SREBF2: variants seen among roughly 807,000 people sequenced by gnomAD.
The protein encoded by SREBF2 is sterol regulatory element-binding protein 2.
In SREBF2, 55 loss-of-function variants were observed where a neutral mutation model predicts 113.1. That is an observed-to-expected ratio of 0.49 (90% CI 0.39 to 0.61). The LOEUF (loss-of-function observed/expected upper bound fraction) is 0.61. SREBF2 is among the 20% of genes least tolerant of loss of function. The pLI, the probability that SREBF2 is intolerant of heterozygous loss-of-function variation, is 0.00. For missense variants in SREBF2, 1,349 were observed against 1,487.4 expected (o/e 0.91, Z 1.53); for synonymous variants, 593 against 605.7 (o/e 0.98, Z 0.31).
intron 13 of SREBF2, 26 bp downstream of exon 13, chr22:41,894,963 G>T: frequency 6.3e-7 from 1 of 1,595,994 alleles, no homozygotes; most frequent in African/African-American, 1.3e-5. Context: ...CAGTCCCCCT[G>T]CCTTAGGACC....
At chr22:41,882,180 A>G (rs1175664207) in intron 10 of SREBF2, among the ~76,000 whole-genome samples, 1 of 152,194 alleles carries the variant, frequency 6.6e-6, no homozygotes, top group Non-Finnish European at 1.5e-5. Flanking sequence ...ATGAGAGGAA[A>G]TTAGAAGGTG....
rs556833081 is a variant in SREBF2, at chr22:41,852,086, A to G, written c.89-14745A>G. On this transcript the variant is annotated intron_variant, in intron 1 of 18. Transcript: ENST00000361204. ...CAGTGAGCAGAGATTGTGCCACTGC[A>G]CTCCAGCCTGGGCGATAGAGAGAGA... 1.8e-3 allele frequency among the ~76,000 whole-genome samples: 274 copies of G among 152,086 alleles called. 3 individuals are homozygous for G. Among genetic ancestry groups the G allele is most frequent in the African/African-American group, 6.2e-3 (257 of 41,500 alleles).
intron 1 of SREBF2, among the ~76,000 whole-genome samples, chr22:41,857,391 C>T (rs1363784883): frequency 6.6e-6 from 1 of 152,220 alleles, no homozygotes; most frequent in African/African-American, 2.4e-5. Context: ...CCCTCCAGGG[C>T]TGCCATGAGA....
chr22:41,846,896 CTCTT>C (rs931501717), intron 1 of SREBF2, among the ~76,000 whole-genome samples: 6 of 152,120 alleles, frequency 3.9e-5, no homozygotes, highest in Admixed American at 3.9e-4. Flanking sequence ...GGTTAGGTTT[CTCTT>C]TCTTCTCTGT....
intron 10 of SREBF2, among the ~76,000 whole-genome samples, chr22:41,883,097 G>A (rs1008028334): frequency 2.6e-4 from 40 of 152,228 alleles, no homozygotes; most frequent in African/African-American, 9.6e-4. Flanking sequence ...GAGATGAACA[G>A]ATAGAGGATG....
intron 13 of SREBF2, 133 bp from the exon 14 acceptor site, chr22:41,896,918 CG>C: frequency 1.5e-6 from 1 of 670,078 alleles, no homozygotes. Context: ...ACAGCGCTTG[CG>C]TGTGCCTGGG....
intron 8 of SREBF2, 21 bp downstream of exon 8, chr22:41,877,442 C>T: frequency 1.2e-6 from 2 of 1,613,272 alleles, no homozygotes; most frequent in Non-Finnish European, 1.7e-6. Context: ...GCCCCTTGCC[C>T]CACCTGGGCA....
intron 1 of SREBF2, among the ~76,000 whole-genome samples, chr22:41,846,324 C>T (rs540206651): frequency 4.7e-4 from 71 of 152,322 alleles, no homozygotes; most frequent in African/African-American, 1.6e-3. Context: ...AGTACTCCTC[C>T]GCCTTCATGA....
intron 4 of SREBF2, among the ~76,000 whole-genome samples, chr22:41,872,670 C>T (rs2077157178): frequency 6.6e-6 from 1 of 152,026 alleles, no homozygotes; most frequent in Admixed American, 6.6e-5. Flanking sequence ...GTGGGCAGAT[C>T]ACCTGAGGTC....
chr22:41,878,182 C>T (rs1419292840), intron 9 of SREBF2, 59 bp downstream of exon 9: 2 of 1,603,740 alleles, frequency 1.2e-6, no homozygotes. Context: ...AATTCAGCAA[C>T]TCGTGTCAAA....
At chr22:41,904,372 C>A (rs997273566) in intron 17 of SREBF2, among the ~76,000 whole-genome samples, 2 of 152,218 alleles carry the variant, frequency 1.3e-5, no homozygotes, top group African/African-American at 2.4e-5. Flanking sequence ...CCTTCACCCA[C>A]CAGTGGCTCA....
At position 41,880,905 on chromosome 22, in the gene SREBF2, A is replaced by T; in HGVS notation, c.1951A>T (p.Thr651Ser). The T allele has an allele frequency of 6.2e-7, 1 of 1,613,734 alleles. No individual in the cohort carries two copies. The highest frequency in any genetic ancestry group is 8.5e-7 in the Non-Finnish European group (1 of 1,180,022). ...VFQCRRATPA[T>S]EAGFEDEAKT... is the part of the protein sequence containing the mutation. ...CCAGTGCCGGCGGGCCACGCCAGCC[A>T]CTGAGGCAGGCTTTGAAGACGAAGC... The change falls in exon 10 of 19, where the codon ACT (threonine) becomes TCT (serine). Residue 651 changes from threonine to serine, a missense_variant. Around this residue, in one of 2 missense-constraint regions of SREBF2, gnomAD observed 699 missense variants for 843.3 expected, o/e 0.83. Coordinates refer to ENST00000361204, the MANE Select transcript of SREBF2 (RefSeq NM_004599.4).
chr22:41,850,790 G>T (rs1403969839), intron 1 of SREBF2, among the ~76,000 whole-genome samples: 1 of 151,974 alleles, frequency 6.6e-6, no homozygotes, highest in Non-Finnish European at 1.5e-5. Flanking sequence ...CCCTGGGCTG[G>T]AGTACAGTGG....
At chr22:41,890,025 C>G (rs989353640) in intron 11 of SREBF2, among the ~76,000 whole-genome samples, 2 of 151,902 alleles carry the variant, frequency 1.3e-5, no homozygotes, top group African/African-American at 4.8e-5. Context: ...ATTTTGGATT[C>G]TTAATAATTT....
In SREBF2 at chr22:41,867,103, G is replaced by T; in HGVS notation, c.361G>T (p.Val121Phe). ...TLQVKVSPTS[V>F]PTTPRATPIL... is the part of the protein sequence containing the mutation. ...GCAAGTCAAGGTTTCTCCCACCTCAGTTCCCACCACACCCAGGGCAACTCC... is the reference window on the plus strand; with the variant it reads ...GCAAGTCAAGGTTTCTCCCACCTCATTTCCCACCACACCCAGGGCAACTCC... The change falls in exon 2 of 19, where the codon GTT becomes TTT. Residue 121 changes from valine (V) to phenylalanine (F), a missense_variant. Coordinates refer to ENST00000361204, the MANE Select transcript of SREBF2 (RefSeq NM_004599.4). 1 of 1,614,142 alleles carries T rather than the reference G, an allele frequency of 6.2e-7. No individual in the cohort carries two copies. Among genetic ancestry groups the T allele is most frequent in the Non-Finnish European group, 8.5e-7 (1 of 1,180,032 alleles).
intron 11 of SREBF2, among the ~76,000 whole-genome samples, chr22:41,890,452 A>G (rs1330282590): frequency 2.0e-5 from 3 of 152,162 alleles, no homozygotes; most frequent in Non-Finnish European, 4.4e-5. Flanking sequence ...TTGGCACACG[A>G]TTTGAGAGCC....
intron 1 of SREBF2, among the ~76,000 whole-genome samples, chr22:41,847,997 G>T (rs2076893585): frequency 6.6e-6 from 1 of 150,722 alleles, no homozygotes; most frequent in African/African-American, 2.4e-5. Context: ...CTCAGTGCAA[G>T]CTCCGCCTCC....
chr22:41,859,795 G>C (rs2077008622), intron 1 of SREBF2, among the ~76,000 whole-genome samples: 1 of 123,792 alleles, frequency 8.1e-6, no homozygotes, highest in African/African-American at 3.0e-5. Flanking sequence ...AGGATATGGT[G>C]ATTCTTTTTT....
At chr22:41,848,064 C>T (rs1014413710) in intron 1 of SREBF2, among the ~76,000 whole-genome samples, 4 of 151,654 alleles carry the variant, frequency 2.6e-5, no homozygotes, top group Non-Finnish European at 5.9e-5. Flanking sequence ...TACAGGCGCC[C>T]GCCACCACGC....
Sources: allele counts gnomAD v4.1 joint callset (sites outside exome capture counted in the v4.1 genomes callset), GRCh38; gene constraint gnomAD v4.1.1; regional missense constraint gnomAD v4.1.1; transcripts MANE v1.5; gene names NCBI Gene and HGNC (gene_info 2026-07-23, HGNC 2026-07-21).